The following CYSLTR1 variants were observed in gnomAD, a reference collection of about 807,000 sequenced individuals.
CYSLTR1 encodes cysteinyl leukotriene receptor 1.
Under a neutral mutation model 2.1 loss-of-function variants are expected in CYSLTR1, and 1 was observed. The observed-to-expected ratio is 0.48, with a 90% confidence interval of 0.17 to 2.28. The LOEUF is 2.28. CYSLTR1 is among the 30% of genes most tolerant of loss of function. The pLI is 0.26. For missense variants in CYSLTR1, 299 were observed against 250.1 expected (o/e 1.20, Z -1.32); for synonymous variants, 110 against 89.6 (o/e 1.23, Z -1.28).
At position 78,303,720 on chromosome X, in the gene CYSLTR1, C is replaced by G. The variant is rs182521048; in HGVS notation, c.-114-20180G>C. On this transcript the variant is annotated intron_variant, in intron 1 of 2. Coordinates refer to ENST00000373304, the MANE Select transcript of CYSLTR1 (RefSeq NM_006639.4). The stretch of plus-strand genomic sequence containing the variant: ...AAATCAGTGACAATTGTTGCGTGGA[C>G]AAAGACAATAAACATAGTGGAAAAT... Among the ~76,000 whole-genome samples, 430 of 111,773 alleles carry G rather than the reference C, an allele frequency of 3.8e-3. 1 individual carries two copies. Among genetic ancestry groups the G allele is most frequent in the African/African-American group, 0.014 (416 of 30,756 alleles).
chrX:78,274,275 G>C (rs1921466251), intron 2 of CYSLTR1, among the ~76,000 whole-genome samples: 1 of 111,252 alleles, frequency 9.0e-6, no homozygotes, highest in Non-Finnish European at 1.9e-5. Context: ...TAAGCCAAAA[G>C]AACAAAGCTG....
Position 78,273,710 on chromosome X carries a change from T to C in CYSLTR1, c.37A>G (p.Thr13Ala), listed in dbSNP as rs200350255. Residue 13 changes from threonine (T) to alanine (A), a missense_variant, in exon 3 of 3, where the codon ACA becomes GCA. Transcript: ENST00000373304. ...ETGNLTVSSA[T>A]CHDTIDDFRN... ...AAGTCATCAATAGTGTCATGGCATG[T>C]GGCAGAAGATACTGTCAGATTTCCT... 11 of 1,200,454 alleles carry C rather than the reference T, an allele frequency of 9.2e-6. No individual in the cohort carries two copies. Among genetic ancestry groups the C allele is most frequent in the Middle Eastern group, 2.3e-4 (1 of 4,321 alleles).
intron 1 of CYSLTR1, among the ~76,000 whole-genome samples, chrX:78,306,702 G>A (rs1161021929): frequency 9.0e-6 from 1 of 111,259 alleles, no homozygotes; most frequent in Non-Finnish European, 1.9e-5. Context: ...TGTGACCTTG[G>A]GCAAGTTACT....
At position 78,273,270 on chromosome X, in the gene CYSLTR1, T is replaced by C. The variant is rs144279487; in HGVS notation, c.477A>G (p.Leu159=). The C allele has an allele frequency of 4.9e-4, 593 of 1,208,070 alleles. No individual in the cohort carries two copies. Among genetic ancestry groups the C allele is most frequent in the Middle Eastern group, 9.2e-4 (4 of 4,369 alleles). The change falls in exon 3 of 3, where the codon CTA becomes CTG. Residue 159 remains leucine, a synonymous_variant. Coordinates refer to ENST00000373304, the MANE Select transcript of CYSLTR1 (RefSeq NM_006639.4). ...IFVILTSSPF[L]MAKPQKDEKN... is the part of the protein sequence containing the mutation. ...TCTCATCTTTTTGTGGTTTGGCCAT[T>C]AGAAATGGAGAACTGGTCAAAATCA...
chrX:78,307,870 A>G, intron 1 of CYSLTR1, among the ~76,000 whole-genome samples: 1 of 111,992 alleles, frequency 8.9e-6, no homozygotes, highest in Non-Finnish European at 1.9e-5. Context: ...ATTTCTGGCA[A>G]GGTGGGAGTG....
chrX:78,295,663 C>T (rs1358633863), intron 1 of CYSLTR1, among the ~76,000 whole-genome samples: 1 of 111,790 alleles, frequency 8.9e-6, no homozygotes, highest in Admixed American at 9.5e-5. Context: ...AATGCCTTTT[C>T]ATATGCCTAT....
chrX:78,290,434 T>C (rs749482599), intron 1 of CYSLTR1, among the ~76,000 whole-genome samples: 46 of 112,042 alleles, frequency 4.1e-4, no homozygotes, highest in Non-Finnish European at 8.3e-4. Context: ...AGGATTGTCT[T>C]GGCAATGCTG....
intron 1 of CYSLTR1, among the ~76,000 whole-genome samples, chrX:78,307,558 A>G (rs1435022793): frequency 1.8e-5 from 2 of 112,016 alleles, no homozygotes; most frequent in Admixed American, 1.9e-4. Flanking sequence ...CTGAAAATCA[A>G]TGAATTGGTA....
At chrX:78,289,242 C>G (rs1408197755) in intron 1 of CYSLTR1, among the ~76,000 whole-genome samples, 1 of 110,837 alleles carries the variant, frequency 9.0e-6, no homozygotes, top group Non-Finnish European at 1.9e-5. Flanking sequence ...TGATAGTTTG[C>G]TGAGAATGAG....
Position 78,271,808 on chromosome X carries a change from G to A in CYSLTR1, c.*925C>T, listed in dbSNP as rs1223456146. On this transcript the variant is annotated 3_prime_UTR_variant, in exon 3 of 3. Transcript: ENST00000373304. Reference sequence around the variant, plus strand: ...TGCACTTCTTAAAAGAATTTGTAATGTGAACATTCACAATTTTCTTCATAA... The same window carrying A: ...TGCACTTCTTAAAAGAATTTGTAATATGAACATTCACAATTTTCTTCATAA... 1 of 112,338 alleles carries A rather than the reference G, an allele frequency of 8.9e-6. No homozygotes were observed. 9.3% of individuals were successfully genotyped at this position (112,338 alleles called of 1,213,427 possible). A position where few individuals can be genotyped will look rare whatever the true frequency, so the allele number is the denominator to read the frequency against.
rs763513293 is a variant in CYSLTR1 at position 78,282,321 on chromosome X, C to A, written c.-28+1133G>T. Among the ~76,000 whole-genome samples, 11 of 111,865 alleles carry A rather than the reference C, an allele frequency of 9.8e-5. No homozygotes were observed. In the South Asian group the frequency reaches 4.1e-3, roughly 41 times the overall value. ...TCAATGATTTGTATATCTTATCTCC[C>A]AGACTATCTGGTTGATATATAAAAA... On this transcript the variant is annotated intron_variant, in intron 2 of 2. Coordinates refer to ENST00000373304, the MANE Select transcript of CYSLTR1 (RefSeq NM_006639.4).
At chrX:78,274,041 C>T (rs1010331318) in intron 2 of CYSLTR1, among the ~76,000 whole-genome samples, 2 of 111,089 alleles carry the variant, frequency 1.8e-5, no homozygotes, top group African/African-American at 3.3e-5. Context: ...GGTGAAACAG[C>T]CCTCCTGTAT....
At chrX:78,285,841 G>A (rs1011320643) in intron 1 of CYSLTR1, among the ~76,000 whole-genome samples, 71 of 111,708 alleles carry the variant, frequency 6.4e-4, no homozygotes, top group African/African-American at 2.2e-3. Flanking sequence ...AGTTCCTTGA[G>A]GACTCTTGTC....
At chrX:78,281,492 TG>T (rs1030212772) in intron 2 of CYSLTR1, among the ~76,000 whole-genome samples, 4 of 110,510 alleles carry the variant, frequency 3.6e-5, no homozygotes, top group Non-Finnish European at 7.6e-5. Flanking sequence ...AGGCTGGTCT[TG>T]AACTCCTGAC....
At chrX:78,307,008 A>G (rs2147268801) in intron 1 of CYSLTR1, among the ~76,000 whole-genome samples, 1 of 112,271 alleles carries the variant, frequency 8.9e-6, no homozygotes, top group South Asian at 3.7e-4. Flanking sequence ...AAAACTTTTA[A>G]CGTGACTTTT....
chrX:78,287,233 T>C (rs1244164877), intron 1 of CYSLTR1, among the ~76,000 whole-genome samples: 1 of 112,106 alleles, frequency 8.9e-6, no homozygotes, highest in Non-Finnish European at 1.9e-5. Flanking sequence ...AATTTTTGCT[T>C]TACTCAAAGT....
intron 2 of CYSLTR1, among the ~76,000 whole-genome samples, chrX:78,278,531 A>G (rs915383183): frequency 8.9e-6 from 1 of 112,503 alleles, no homozygotes; most frequent in African/African-American, 3.2e-5. Flanking sequence ...TATTGTTAAA[A>G]TGGCCATACT....
At chrX:78,278,464 C>T (rs1397611428) in intron 2 of CYSLTR1, among the ~76,000 whole-genome samples, 3 of 111,910 alleles carry the variant, frequency 2.7e-5, no homozygotes, top group Non-Finnish European at 5.6e-5. Context: ...TCAAAGAAAC[C>T]AGATATGATA....
intron 1 of CYSLTR1, among the ~76,000 whole-genome samples, chrX:78,300,925 A>T (rs756753123): frequency 9.8e-5 from 11 of 112,708 alleles, no homozygotes; most frequent in African/African-American, 3.5e-4. Flanking sequence ...ATCTAGCTGG[A>T]GGTTTCCAAA....
Sources: allele counts gnomAD v4.1 joint callset (sites outside exome capture counted in the v4.1 genomes callset), GRCh38; gene constraint gnomAD v4.1.1; transcripts MANE v1.5; gene names NCBI Gene and HGNC (gene_info 2026-07-23, HGNC 2026-07-21).